The following PLAU variants were observed in gnomAD, a reference collection of about 807,000 sequenced individuals.
PLAU encodes urokinase-type plasminogen activator.
PLAU carries 32 observed loss-of-function variants against 48.9 expected under a neutral mutation model. The ratio of observed to expected loss-of-function variants is 0.65; its 90% CI spans 0.49 to 0.88. The LOEUF (loss-of-function observed/expected upper bound fraction) is 0.88, where lower values mean the gene tolerates loss of function less well. PLAU is among the 40% of genes least tolerant of loss of function. The pLI, the probability that PLAU is intolerant of heterozygous loss-of-function variation, is 0.00. For missense variants in PLAU, 455 were observed against 545.2 expected (o/e 0.83, Z 1.65); for synonymous variants, 199 against 205.7 (o/e 0.97, Z 0.28).
chr10:73,911,589 G>C lies in PLAU; in HGVS notation c.34G>C (p.Val12Leu), dbSNP rs777370331. Reference sequence around the variant, plus strand: ...CCTGCTGGCGCGCCTGCTTCTCTGCGTCCTGGTCGTGAGCGACTCCAAAGT... The same window carrying C: ...CCTGCTGGCGCGCCTGCTTCTCTGCCTCCTGGTCGTGAGCGACTCCAAAGT... Reference protein sequence around the residue: ...RALLARLLLCVLVVSDSKGSN... With the variant: ...RALLARLLLCLLVVSDSKGSN... Residue 12 changes from valine to leucine, a missense_variant, in exon 2 of 11, where the codon GTC (valine) becomes CTC (leucine). By Grantham distance (32) the Val-to-Leu change is conservative. Transcript: ENST00000372764. 3.1e-6 allele frequency: 5 copies of C among 1,613,650 alleles called. No individual in the cohort carries two copies. The South Asian group carries it at 5.5e-5, about 18-fold the overall frequency.
At chr10:73,912,180 C>T (rs1179647029) in intron 3 of PLAU, 35 bp from the exon 4 acceptor site, 2 of 1,614,130 alleles carry the variant, frequency 1.2e-6, no homozygotes, top group African/African-American at 2.7e-5. Flanking sequence ...ACCACTTCCA[C>T]TCCCCCTCGC....
rs746596167 is a variant in PLAU, at chr10:73,913,715, C to A, written c.637C>A (p.Leu213Ile). The A allele has an allele frequency of 1.2e-6, 2 of 1,611,678 alleles. No individual in the cohort carries two copies. Among genetic ancestry groups the A allele is most frequent in the Non-Finnish European group, 1.7e-6 (2 of 1,178,860 alleles). Residue 213 changes from leucine to isoleucine, a missense_variant, in exon 7 of 11, where the codon CTC becomes ATC. Leu to Ile is a conservative substitution (Grantham distance 5, BLOSUM62 2). Coordinates refer to ENST00000372764, the MANE Select transcript of PLAU (RefSeq NM_002658.6). ...GSVTYVCGGS[L>I]ISPCWVISAT... The stretch of plus-strand genomic sequence containing the variant: ...TGTCACCTACGTGTGTGGAGGCAGC[C>A]TCATCAGCCCTTGCTGGGTGATCAG...
At position 73,916,970 on chromosome 10, in the gene PLAU, G is replaced by A. The variant is rs1779130732; in HGVS notation, c.*405G>A. On this transcript the variant is annotated 3_prime_UTR_variant, in exon 11 of 11. Transcript: ENST00000372764. ...CCCAATTAGGAAGTGTAACAGCTGAGGTCTCTTGAGGGAGCTTAGCCAATG... is the reference window on the plus strand; with the variant it reads ...CCCAATTAGGAAGTGTAACAGCTGAAGTCTCTTGAGGGAGCTTAGCCAATG... 5.7e-6 allele frequency: 1 copy of A among 174,062 alleles called. No homozygotes were observed. The highest frequency in any genetic ancestry group is 2.4e-5 in the African/African-American group (1 of 41,836). The allele number at this position is 174,062 out of a possible 1,614,324, so 10.8% of individuals were successfully genotyped here. A position where few individuals can be genotyped will look rare whatever the true frequency, so the allele number is the denominator to read the frequency against.
At chr10:73,915,975 C>T (rs1282431579) in intron 10 of PLAU, among the ~76,000 whole-genome samples, 1 of 152,146 alleles carries the variant, frequency 6.6e-6, no homozygotes, top group Non-Finnish European at 1.5e-5. Flanking sequence ...CACAGTGGCT[C>T]ATGCCTGTAA....
At chr10:73,912,091 G>T (rs2096125660) in intron 3 of PLAU, 23 bp downstream of exon 3, 1 of 1,604,228 alleles carries the variant, frequency 6.2e-7, no homozygotes, top group Non-Finnish European at 8.5e-7. Context: ...CCCTACAACA[G>T]TTGGCTGCAC....
At chr10:73,916,220 G>C (rs887075907) in intron 10 of PLAU, among the ~76,000 whole-genome samples, 169 bp from the exon 11 acceptor site, 1 of 152,236 alleles carries the variant, frequency 6.6e-6, no homozygotes, top group African/African-American at 2.4e-5. Context: ...GCCAGCCTGG[G>C]CGACAGAGCG....
chr10:73,912,092 T>C (rs1359236688), intron 3 of PLAU, 24 bp downstream of exon 3: 19 of 1,603,654 alleles, frequency 1.2e-5, no homozygotes, highest in Non-Finnish European at 1.5e-5. Context: ...CCTACAACAG[T>C]TGGCTGCACA....
At chr10:73,915,184 C>T in intron 9 of PLAU, 67 bp from the exon 10 acceptor site, 2 of 1,501,472 alleles carry the variant, frequency 1.3e-6, no homozygotes, top group Non-Finnish European at 9.1e-7. Context: ...TATGGTTCCC[C>T]TCTCTGGCAG....
intron 5 of PLAU, 21 bp from the exon 6 acceptor site, chr10:73,913,269 C>G (rs750987729): frequency 1.9e-5 from 30 of 1,613,014 alleles, no homozygotes; most frequent in Non-Finnish European, 2.5e-5. Flanking sequence ...AATGACATCC[C>G]CTATCTTTCT....
Position 73,916,675 on chromosome 10 carries a change from C to T in PLAU, c.*110C>T. 1 of 908,812 alleles carries T rather than the reference C, an allele frequency of 1.1e-6. No individual in the cohort carries two copies. Among genetic ancestry groups the T allele is most frequent in the Non-Finnish European group, 1.6e-6 (1 of 611,272 alleles). The allele number at this position is 908,812 out of a possible 1,614,324, so 56.3% of individuals were successfully genotyped here. A position where few individuals can be genotyped will look rare whatever the true frequency, so the allele number is the denominator to read the frequency against. On this transcript the variant is annotated 3_prime_UTR_variant, in exon 11 of 11. Coordinates refer to ENST00000372764, the MANE Select transcript of PLAU (RefSeq NM_002658.6). ...AGAGACTGGGAAGATAGGCTCTGCA[C>T]AGATGGATTTGCCTGTGCCACCCAC... is the stretch of plus-strand genomic sequence containing the variant.
At chr10:73,915,598 A>T (rs150574792) in intron 10 of PLAU, among the ~76,000 whole-genome samples, 199 bp downstream of exon 10, 20 of 152,254 alleles carry the variant, frequency 1.3e-4, no homozygotes, top group African/African-American at 4.1e-4. Flanking sequence ...TGCGCTAGTC[A>T]CTTCAGACTG....
At chr10:73,914,274 G>A (rs990440335) in intron 8 of PLAU, 146 bp downstream of exon 8, 2 of 732,106 alleles carry the variant, frequency 2.7e-6, no homozygotes, top group African/African-American at 1.8e-5. Flanking sequence ...GACAAAGGGA[G>A]TGGCAGGGAA....
chr10:73,916,283 C>A, intron 10 of PLAU, 106 bp from the exon 11 acceptor site: 1 of 1,029,998 alleles, frequency 9.7e-7, no homozygotes, highest in Non-Finnish European at 1.5e-6. Context: ...TCGCTAAGGA[C>A]TTTGACTGGG....
intron 9 of PLAU, 44 bp from the exon 10 acceptor site, chr10:73,915,207 C>G (rs1202264655): frequency 8.9e-6 from 14 of 1,581,620 alleles, no homozygotes; most frequent in Non-Finnish European, 1.1e-5. Context: ...TCCCAGTGGA[C>G]AGATAAATCT....
chr10:73,912,955 T>A lies in PLAU; in HGVS notation c.225T>A (p.Gly75=). The A allele has an allele frequency of 6.2e-7, 1 of 1,613,722 alleles. No homozygotes were observed. Among genetic ancestry groups the A allele is most frequent in the East Asian group, 2.2e-5 (1 of 44,886 alleles). ...CAAAAACCTGCTATGAGGGGAATGG[T>A]CACTTTTACCGAGGAAAGGCCAGCA... ...DKSKTCYEGN[G]HFYRGKASTD... The change falls in exon 5 of 11, where the codon GGT becomes GGA. Residue 75 remains glycine (G), a synonymous_variant. Transcript: ENST00000372764.
chr10:73,911,949 A>G, intron 2 of PLAU, 92 bp from the exon 3 acceptor site: 1 of 1,613,364 alleles, frequency 6.2e-7, no homozygotes, highest in South Asian at 1.1e-5. Context: ...GAGAGGGAAG[A>G]GTGGGTTTTG....
chr10:73,909,130 G>C (rs2131463128), upstream of PLAU: 1 of 152,150 alleles, frequency 6.6e-6, no homozygotes, highest in Admixed American at 6.6e-5. Context: ...GCTTCATAAC[G>C]GTCTCCAAAC....
At chr10:73,910,084 T>C (rs1413719974), upstream of PLAU, 1 of 152,170 alleles carries the variant, frequency 6.6e-6, no homozygotes, top group Non-Finnish European at 1.5e-5. Context: ...AATGCATAAT[T>C]ATCTTTTTGG....
chr10:73,912,458 C>T, intron 4 of PLAU, 136 bp downstream of exon 4: 1 of 676,324 alleles, frequency 1.5e-6, no homozygotes, highest in Non-Finnish European at 2.6e-6. Flanking sequence ...AGCATAAACA[C>T]ACACACACGC....
Sources: gnomAD v4.1 joint callset for allele counts (sites outside exome capture counted in the v4.1 genomes callset) on GRCh38, gnomAD v4.1.1 for gene constraint, MANE v1.5 for transcripts, NCBI Gene and HGNC (gene_info 2026-07-23, HGNC 2026-07-21) for gene names.